Variants in HERC4 observed in about 807,000 individuals in gnomAD.
HERC4 encodes the protein HECT and RLD domain containing E3 ubiquitin protein ligase 4.
A neutral mutation model predicts 124.3 loss-of-function variants in HERC4; 28 were observed. The observed-to-expected ratio is 0.23, with a 90% CI of 0.17 to 0.31. The LOEUF (loss-of-function observed/expected upper bound fraction) is 0.31. Among genes scored for constraint, HERC4 ranks in the 10% least tolerant of loss-of-function variants. HERC4 has a pLI of 1.00. For missense variants in HERC4, 713 were observed against 1,229.3 expected (o/e 0.58, Z 6.28); for synonymous variants, 407 against 421.5 (o/e 0.97, Z 0.42).
intron 23 of HERC4, among the ~76,000 whole-genome samples, 156 bp downstream of exon 23, chr10:67,932,441 G>A (rs758324884): frequency 7.5e-4 from 114 of 152,138 alleles, no homozygotes; most frequent in Admixed American, 9.2e-4. Context: ...TTCATATACC[G>A]TTCAAATCCA....
At chr10:67,950,937 A>C (rs1372994892) in intron 19 of HERC4, among the ~76,000 whole-genome samples, 2 of 152,194 alleles carry the variant, frequency 1.3e-5, no homozygotes, top group Non-Finnish European at 2.9e-5. Context: ...AAAAATGCTA[A>C]TGCCATGGCT....
At chr10:68,051,457 G>A (rs572652083) in intron 3 of HERC4, among the ~76,000 whole-genome samples, 1 of 147,064 alleles carries the variant, frequency 6.8e-6, no homozygotes, top group Non-Finnish European at 1.5e-5. Flanking sequence ...CCATTCTCCT[G>A]CCTCAGCCTC....
At chr10:68,071,735 ATTTACT>A (rs2041586026) in intron 3 of HERC4, among the ~76,000 whole-genome samples, 1 of 152,216 alleles carries the variant, frequency 6.6e-6, no homozygotes, top group Non-Finnish European at 1.5e-5. Flanking sequence ...GAAAGCTGCC[ATTTACT>A]TTGAGTTCTG....
intron 14 of HERC4, among the ~76,000 whole-genome samples, chr10:67,989,604 G>A (rs1024940858): frequency 4.6e-5 from 7 of 151,924 alleles, no homozygotes; most frequent in African/African-American, 1.7e-4. Flanking sequence ...AATACCATTA[G>A]AAAGAAAAGC....
intron 9 of HERC4, among the ~76,000 whole-genome samples, chr10:67,996,555 C>T (rs1003619534): frequency 6.6e-6 from 1 of 152,246 alleles, no homozygotes; most frequent in Middle Eastern, 3.4e-3. Context: ...GCTTTGTTTA[C>T]ATGGGTTAAA....
intron 24 of HERC4, among the ~76,000 whole-genome samples, chr10:67,923,694 G>A (rs1424823003): frequency 6.6e-6 from 1 of 151,940 alleles, no homozygotes; most frequent in African/African-American, 2.4e-5. Flanking sequence ...GAGTAGCTGG[G>A]AGCACAGTCA....
intron 9 of HERC4, chr10:68,010,690 C>T: frequency 6.8e-7 from 1 of 1,480,326 alleles, no homozygotes; most frequent in Admixed American, 1.9e-5. Context: ...GCCGCTTACA[C>T]ATGTTCTTGA....
At chr10:67,960,542 C>G (rs559968572) in intron 16 of HERC4, among the ~76,000 whole-genome samples, 4 of 152,134 alleles carry the variant, frequency 2.6e-5, no homozygotes, top group Non-Finnish European at 5.9e-5. Context: ...TGTGCCACCA[C>G]GCCTAGCTAA....
chr10:67,959,237 ACAG>A (rs1348718019), intron 16 of HERC4: 6 of 1,084,344 alleles, frequency 5.5e-6, no homozygotes, highest in Non-Finnish European at 8.0e-6. Flanking sequence ...ATATTTTGCT[ACAG>A]CAGAATATTG....
chr10:67,926,548 A>G (rs1221409251), intron 23 of HERC4, among the ~76,000 whole-genome samples: 1 of 152,188 alleles, frequency 6.6e-6, no homozygotes. Context: ...CAGATGCGTC[A>G]GGTCCTTTGG....
chr10:68,025,751 C>A, intron 7 of HERC4, 75 bp from the exon 8 acceptor site: 1 of 1,459,672 alleles, frequency 6.9e-7, no homozygotes, highest in South Asian at 1.4e-5. Flanking sequence ...AAAATAAGTC[C>A]AAATCTTTAA....
chr10:68,029,046 C>T (rs962807743), intron 7 of HERC4, among the ~76,000 whole-genome samples: 11 of 152,150 alleles, frequency 7.2e-5, no homozygotes, highest in African/African-American at 2.4e-4. Context: ...GGCACAGTGG[C>T]GCCCGTAGCT....
At chr10:68,073,226 A>T (rs2133888371) in intron 2 of HERC4, 40 bp from the exon 3 acceptor site, 1 of 706,996 alleles carries the variant, frequency 1.4e-6, no homozygotes, top group Non-Finnish European at 2.4e-6. Flanking sequence ...TTCAAAGAAA[A>T]AAGGATGTAT....
chr10:67,939,782 A>AT (rs2032713496), intron 20 of HERC4, 128 bp from the exon 21 acceptor site: 1 of 453,200 alleles, frequency 2.2e-6, no homozygotes, highest in Admixed American at 4.0e-5. Flanking sequence ...TCAATTTGTA[A>AT]TTTTATATTT....
intron 9 of HERC4, chr10:68,010,843 A>T: frequency 6.5e-7 from 1 of 1,532,730 alleles, no homozygotes; most frequent in East Asian, 2.3e-5. Flanking sequence ...CAAATTGCTC[A>T]AGTTCTTTCT....
chr10:68,031,923 C>T lies in HERC4; in HGVS notation c.777+855G>A, dbSNP rs201290017. On this transcript the variant is annotated intron_variant, in intron 7 of 24. Coordinates refer to ENST00000373700, the MANE Select transcript of HERC4 (RefSeq NM_015601.4). ...CCTGCCGCCATGCCCAGCTAACTTT[C>T]GTATTTTTAGAAGAGACAGAGTTTC... 7.9e-5 allele frequency among the ~76,000 whole-genome samples: 12 copies of T among 152,098 alleles called. No individual in the cohort carries two copies. In the East Asian group the frequency reaches 2.1e-3, roughly 27 times the overall value.
At chr10:67,976,088 C>G in intron 15 of HERC4, among the ~76,000 whole-genome samples, 1 of 151,202 alleles carries the variant, frequency 6.6e-6, no homozygotes, top group East Asian at 1.9e-4. Context: ...CATTTACATG[C>G]TGTCCACAGT....
intron 17 of HERC4, 58 bp downstream of exon 17, chr10:67,956,820 T>G: frequency 1.8e-6 from 2 of 1,118,620 alleles, no homozygotes; most frequent in Non-Finnish European, 2.6e-6. Context: ...AAATATTTAC[T>G]GTCCAGAAAC....
chr10:68,030,438 CCAAAAA>C (rs557416138), intron 7 of HERC4, among the ~76,000 whole-genome samples: 7 of 152,040 alleles, frequency 4.6e-5, no homozygotes, highest in South Asian at 2.1e-4. Flanking sequence ...GAGACCGTGT[CCAAAAA>C]CAAAAACAAA....
Sources: allele counts gnomAD v4.1 joint callset (sites outside exome capture counted in the v4.1 genomes callset), GRCh38; gene constraint gnomAD v4.1.1; transcripts MANE v1.5; gene names NCBI Gene and HGNC (gene_info 2026-07-23, HGNC 2026-07-21).